FADS2: variants seen among roughly 807,000 people sequenced by gnomAD.
FADS2 encodes acyl-CoA 6-desaturase.
A neutral mutation model predicts 61.2 loss-of-function variants in FADS2; 18 were observed. The ratio of observed to expected loss-of-function variants is 0.29; its 90% CI spans 0.20 to 0.44. FADS2 has a LOEUF of 0.44. Ranked by LOEUF, FADS2 falls within the 20% of genes least tolerant of loss-of-function variation. FADS2 has a pLI of 1.00. For missense variants in FADS2, 322 were observed against 572.7 expected, an observed-to-expected ratio of 0.56 and a Z score of 4.47; for synonymous variants, 203 against 223.9, an observed-to-expected ratio of 0.91 and a Z score of 0.83.
In FADS2 at chr11:61,865,823, C is replaced by A; in HGVS notation, c.*134C>A. The stretch of plus-strand genomic sequence containing the variant: ...CTCACGGACCCCATGTTGGATCTTT[C>A]TCCCTTTCTCCTCTCCTTTTTCTCT... On this transcript the variant is annotated 3_prime_UTR_variant, in exon 12 of 12. Coordinates refer to ENST00000278840, the MANE Select transcript of FADS2 (RefSeq NM_004265.4). The surrounding 1 kb of genome is among the most constrained non-coding windows in gnomAD (Gnocchi z 4.1). The A allele has an allele frequency of 1.4e-6, 1 of 701,640 alleles. No homozygotes were observed. Among genetic ancestry groups the A allele is most frequent in the Non-Finnish European group, 2.5e-6 (1 of 404,408 alleles). 43.5% of individuals were successfully genotyped at this position (701,640 alleles called of 1,614,324 possible). A position where few individuals can be genotyped will look rare whatever the true frequency, so the allele number is the denominator to read the frequency against.
intron 5 of FADS2, among the ~76,000 whole-genome samples, chr11:61,853,296 CT>C (rs2135972265): frequency 8.4e-6 from 1 of 119,368 alleles, no homozygotes; most frequent in African/African-American, 3.8e-5. Flanking sequence ...CCCTCCCTTC[CT>C]TCCTTCCTTC....
intron 7 of FADS2, 151 bp downstream of exon 7, chr11:61,857,681 A>G (rs1333485148): frequency 1.5e-6 from 1 of 666,784 alleles, no homozygotes; most frequent in Non-Finnish European, 2.7e-6. Flanking sequence ...TCAGGAAAGG[A>G]CTCCCTCTGG....
Position 61,816,976 on chromosome 11 carries a change from G to A in FADS2, c.141+550G>A. ...GGAGCGAGATCCCGTCCCCCGGTGG[G>A]TCTTGGGCAACTCACAGCTGGGCTG... is the stretch of plus-strand genomic sequence containing the variant. On this transcript the variant is annotated intron_variant, in intron 1 of 11. Transcript: ENST00000257261. The surrounding 1 kb of genome is among the most constrained non-coding windows in gnomAD (Gnocchi z 7.0). 7.4e-7 allele frequency: 1 copy of A among 1,354,122 alleles called. No homozygotes were observed. The highest frequency in any genetic ancestry group is 9.4e-7 in the Non-Finnish European group (1 of 1,060,254). The allele number at this position is 1,354,122 out of a possible 1,614,324, so 83.9% of individuals were successfully genotyped here. A position where few individuals can be genotyped will look rare whatever the true frequency, so the allele number is the denominator to read the frequency against.
rs148329010 is a variant in FADS2 at position 61,851,187 on chromosome 11, T to C, written c.744+2903T>C. ...ATAAGTGGGGACAAAGGCTTCATTT[T>C]CTCGGCGAGGCTTTGTAATGTAGAG... On this transcript the variant is annotated intron_variant, in intron 5 of 11. Transcript: ENST00000278840. 2.0e-5 allele frequency among the ~76,000 whole-genome samples: 3 copies of C among 152,338 alleles called. No individual in the cohort carries two copies. The East Asian group carries it at 5.8e-4, about 29-fold the overall frequency.
upstream of FADS2, among the ~76,000 whole-genome samples, chr11:61,827,067 C>A (rs1357448313): frequency 6.6e-6 from 1 of 152,192 alleles, no homozygotes; most frequent in Non-Finnish European, 1.5e-5. This position sits in a 1 kb window ranked among gnomAD's most constrained non-coding sequence, Gnocchi z 4.5. Context: ...TGCACCCCAC[C>A]CTCTCTGTTC....
intron 7 of FADS2, among the ~76,000 whole-genome samples, chr11:61,861,371 A>AAAAAAAAAAAAAAAC (rs1555078396): frequency 0.01 from 1,109 of 106,256 alleles, 110 homozygotes; most frequent in Non-Finnish European, 0.018. Context: ...AAAAAAAAAA[A>AAAAAAAAAAAAAAAC]CAGAAATTAG....
chr11:61,857,499 T>G lies in FADS2; in HGVS notation c.851T>G (p.Ile284Ser). Residue 284 changes from isoleucine to serine, a missense_variant, in exon 7 of 12, where the codon ATC becomes AGC. Ile to Ser is a moderately radical substitution (Grantham distance 142). Transcript: ENST00000278840. ...CCCATGTATTTCCAGTACCAGATCATCATGACCATGATCGTCCATAAGAAC... is the reference window on the plus strand; with the variant it reads ...CCCATGTATTTCCAGTACCAGATCAGCATGACCATGATCGTCCATAAGAAC... ...LIPMYFQYQI[I>S]MTMIVHKNWV... 1 of 1,613,992 alleles carries G rather than the reference T, an allele frequency of 6.2e-7. No homozygotes were observed. Among genetic ancestry groups the G allele is most frequent in the South Asian group, 1.1e-5 (1 of 91,076 alleles).
At chr11:61,864,523 A>T (rs1054751330) in intron 10 of FADS2, among the ~76,000 whole-genome samples, 1 of 152,060 alleles carries the variant, frequency 6.6e-6, no homozygotes, top group Non-Finnish European at 1.5e-5. Flanking sequence ...CCTCCCACGT[A>T]GCTGGGATTA....
chr11:61,831,463 T>C (rs1053420477), intron 1 of FADS2, among the ~76,000 whole-genome samples: 3 of 152,092 alleles, frequency 2.0e-5, no homozygotes, highest in Admixed American at 2.0e-4. Context: ...ATCCTCGAAG[T>C]CAGGGAAGCC....
At chr11:61,821,255 C>T (rs1254935717) in intron 1 of FADS2, 8 of 593,322 alleles carry the variant, frequency 1.3e-5, no homozygotes, top group South Asian at 8.6e-5. Context: ...CACAGTGACT[C>T]GTGCCTATAA....
At chr11:61,829,033 G>A (rs2067105927) in intron 1 of FADS2, among the ~76,000 whole-genome samples, 1 of 152,244 alleles carries the variant, frequency 6.6e-6, no homozygotes, top group African/African-American at 2.4e-5. Context: ...GTGGGACTCC[G>A]CGCTTGTCCC....
chr11:61,853,231 CT>C (rs2067323231), intron 5 of FADS2, among the ~76,000 whole-genome samples: 1 of 121,660 alleles, frequency 8.2e-6, no homozygotes, highest in African/African-American at 2.9e-5. Context: ...TTTCTTTCTT[CT>C]CTTTCTTTCT....
chr11:61,853,173 AC>A (rs2067322369), intron 5 of FADS2, among the ~76,000 whole-genome samples: 1 of 151,062 alleles, frequency 6.6e-6, no homozygotes, highest in Non-Finnish European at 1.5e-5. Flanking sequence ...AACAACAACA[AC>A]AACAACAAAA....
At chr11:61,842,045 T>A (rs1281908662) in intron 4 of FADS2, among the ~76,000 whole-genome samples, 1 of 152,178 alleles carries the variant, frequency 6.6e-6, no homozygotes, top group Admixed American at 6.5e-5. Context: ...ACTATCCCCA[T>A]CCCAGCCTGA....
At chr11:61,827,548 C>G (rs1244847412), upstream of FADS2, 1 of 152,260 alleles carries the variant, frequency 6.6e-6, no homozygotes, top group Non-Finnish European at 1.5e-5. The surrounding 1 kb of genome is among the most constrained non-coding windows in gnomAD (Gnocchi z 4.5). Flanking sequence ...ATGGCGCGGA[C>G]AATGTGGGAT....
chr11:61,865,439 G>A lies in FADS2; in HGVS notation c.1283+162G>A. The A allele has an allele frequency of 1.0e-6, 1 of 1,002,734 alleles. No individual in the cohort carries two copies. The highest frequency in any genetic ancestry group is 1.5e-6 in the Non-Finnish European group (1 of 686,544). The allele number at this position is 1,002,734 out of a possible 1,614,324, so 62.1% of individuals were successfully genotyped here. On this transcript the variant is annotated intron_variant, in intron 11 of 11. Coordinates refer to ENST00000278840, the MANE Select transcript of FADS2 (RefSeq NM_004265.4). The surrounding 1 kb of genome is among the most constrained non-coding windows in gnomAD (Gnocchi z 4.1). ...GCTGTTGGGCTTTTCTCCCTGGGCT[G>A]CGAGAAGACCATCCCTTTCTGTGTG...
At chr11:61,850,534 C>T (rs1041598414) in intron 5 of FADS2, among the ~76,000 whole-genome samples, 1 of 152,166 alleles carries the variant, frequency 6.6e-6, no homozygotes, top group Non-Finnish European at 1.5e-5. Flanking sequence ...CGGGTGTAAG[C>T]CACCGCGCCT....
At chr11:61,822,025 A>G (rs748560966) in intron 1 of FADS2, among the ~76,000 whole-genome samples, 29 of 150,972 alleles carry the variant, frequency 1.9e-4, no homozygotes, top group Non-Finnish European at 1.8e-4. Context: ...GCTGGAGTGC[A>G]GTGGTGCTGT....
At chr11:61,859,094 G>A (rs1591180230) in intron 7 of FADS2, among the ~76,000 whole-genome samples, 2 of 152,124 alleles carry the variant, frequency 1.3e-5, no homozygotes, top group East Asian at 3.9e-4. Context: ...TTTCGCTCTT[G>A]TTGCCCAGGC....
Sources: gnomAD v4.1 joint callset for allele counts (sites outside exome capture counted in the v4.1 genomes callset) on GRCh38, gnomAD v4.1.1 for gene constraint, Gnocchi (gnomAD v3.1) non-coding constraint, MANE v1.5 for transcripts, NCBI Gene and HGNC (gene_info 2026-07-23, HGNC 2026-07-21) for gene names.